MARCHF1: variants seen among roughly 807,000 people sequenced by gnomAD.
MARCHF1 encodes E3 ubiquitin-protein ligase MARCHF1.
A neutral mutation model predicts 54.2 loss-of-function variants in MARCHF1; 40 were observed. The ratio of observed to expected loss-of-function variants is 0.74; its 90% CI spans 0.57 to 0.96. The LOEUF (loss-of-function observed/expected upper bound fraction) is 0.96, where lower values mean the gene tolerates loss of function less well. Ranked by LOEUF, MARCHF1 falls within the 40% of genes least tolerant of loss-of-function variation. The pLI is 0.00. For synonymous variants in MARCHF1, 236 were observed against 236.3 expected (o/e 1.00, Z 0.01); for missense variants, 586 against 656.5 (o/e 0.89, Z 1.17).
chr4:164,044,790 C>T lies in MARCHF1; in HGVS notation c.-247-56081G>A, dbSNP rs146931650. The stretch of plus-strand genomic sequence containing the variant: ...GTCTATACATACTATAGATTCTCTA[C>T]ATAAGGACACTATATATGGACACTA... On this transcript the variant is annotated intron_variant, in intron 2 of 9. Transcript: ENST00000514618. 5.5e-3 allele frequency among the ~76,000 whole-genome samples: 839 copies of T among 151,588 alleles called. 1 individual carries two copies. Among genetic ancestry groups the T allele is most frequent in the Non-Finnish European group, 8.3e-3 (564 of 67,956 alleles).
chr4:164,030,463 T>C (rs1199769434), intron 2 of MARCHF1, among the ~76,000 whole-genome samples: 1 of 152,230 alleles, frequency 6.6e-6, no homozygotes, highest in Non-Finnish European at 1.5e-5. Flanking sequence ...TATCTACTTT[T>C]GCATTCTGCT....
At chr4:163,769,801 T>C (rs1234280976) in intron 4 of MARCHF1, among the ~76,000 whole-genome samples, 2 of 152,122 alleles carry the variant, frequency 1.3e-5, no homozygotes, top group East Asian at 1.9e-4. Context: ...ACAAACTGGG[T>C]TACCAGTTAC....
At chr4:164,315,010 T>C (rs1734958766) in intron 1 of MARCHF1, among the ~76,000 whole-genome samples, 1 of 152,078 alleles carries the variant, frequency 6.6e-6, no homozygotes, top group East Asian at 1.9e-4. Context: ...GCCAGGTAAA[T>C]GTCAAACAGA....
chr4:163,810,682 ATAAC>A (rs1213414851), intron 4 of MARCHF1, among the ~76,000 whole-genome samples: 4 of 152,246 alleles, frequency 2.6e-5, no homozygotes, highest in Non-Finnish European at 5.9e-5. Context: ...AAAATTAAGA[ATAAC>A]TAAGTAAAAT....
chr4:164,137,366 T>C (rs1244941007), intron 1 of MARCHF1, among the ~76,000 whole-genome samples: 1 of 152,176 alleles, frequency 6.6e-6, no homozygotes, highest in Non-Finnish European at 1.5e-5. Context: ...ATAATTATGA[T>C]AATATATTTC....
At chr4:164,034,176 T>C (rs1176495962) in intron 2 of MARCHF1, among the ~76,000 whole-genome samples, 1 of 152,072 alleles carries the variant, frequency 6.6e-6, no homozygotes, top group Non-Finnish European at 1.5e-5. Context: ...GATCACGTGT[T>C]TGCAGGGACA....
At chr4:163,648,263 A>G (rs1314026506) in intron 5 of MARCHF1, among the ~76,000 whole-genome samples, 1 of 151,992 alleles carries the variant, frequency 6.6e-6, no homozygotes, top group Non-Finnish European at 1.5e-5. Context: ...AAGATAGGAA[A>G]CTAAGACCAA....
chr4:164,182,567 A>C (rs549160189), intron 1 of MARCHF1, among the ~76,000 whole-genome samples: 1 of 152,024 alleles, frequency 6.6e-6, no homozygotes, highest in Non-Finnish European at 1.5e-5. Flanking sequence ...ATAACATATA[A>C]TATATACACA....
At chr4:163,821,008 T>C (rs1748677007) in intron 4 of MARCHF1, among the ~76,000 whole-genome samples, 1 of 152,090 alleles carries the variant, frequency 6.6e-6, no homozygotes. Context: ...TAACTTCCTC[T>C]ACACTGTCCC....
intron 2 of MARCHF1, among the ~76,000 whole-genome samples, chr4:164,062,166 T>C (rs1470722624): frequency 6.6e-6 from 1 of 152,216 alleles, no homozygotes; most frequent in Non-Finnish European, 1.5e-5. Flanking sequence ...TCTTTGCTCA[T>C]CCATAAGAAA....
At chr4:164,009,844 T>C (rs1443840807) in intron 2 of MARCHF1, among the ~76,000 whole-genome samples, 3 of 152,088 alleles carry the variant, frequency 2.0e-5, no homozygotes, top group Non-Finnish European at 4.4e-5. Context: ...TCATACTGAA[T>C]GGAGAAAAAC....
chr4:163,956,672 A>G (rs559083929), intron 3 of MARCHF1, among the ~76,000 whole-genome samples: 1 of 152,272 alleles, frequency 6.6e-6, no homozygotes, highest in African/African-American at 2.4e-5. Context: ...TAAACAACAC[A>G]GTTTATGTGT....
At chr4:163,822,549 T>G (rs1349077045) in intron 4 of MARCHF1, among the ~76,000 whole-genome samples, 1 of 151,914 alleles carries the variant, frequency 6.6e-6, no homozygotes, top group Non-Finnish European at 1.5e-5. Context: ...GTTTGATCAT[T>G]CAACATTTGA....
intron 1 of MARCHF1, among the ~76,000 whole-genome samples, chr4:164,134,650 T>C (rs566670924): frequency 1.5e-4 from 23 of 152,140 alleles, no homozygotes; most frequent in African/African-American, 5.3e-4. Context: ...ACTTAAGAAA[T>C]AGACATGACT....
intron 4 of MARCHF1, among the ~76,000 whole-genome samples, chr4:163,715,696 C>A (rs554901705): frequency 6.6e-6 from 1 of 152,048 alleles, no homozygotes; most frequent in East Asian, 1.9e-4. Flanking sequence ...AATGACTATT[C>A]AAGACATCTG....
chr4:164,077,577 A>T (rs1042860967), intron 2 of MARCHF1, among the ~76,000 whole-genome samples: 1 of 152,230 alleles, frequency 6.6e-6, no homozygotes, highest in African/African-American at 2.4e-5. Flanking sequence ...AGAAAGTAGC[A>T]TCAGAGTGAA....
intron 1 of MARCHF1, among the ~76,000 whole-genome samples, chr4:164,156,305 A>G (rs1730075614): frequency 6.6e-6 from 1 of 152,162 alleles, no homozygotes; most frequent in Non-Finnish European, 1.5e-5. Flanking sequence ...TGTCTAGTAT[A>G]TAGTCCCAAA....
intron 1 of MARCHF1, among the ~76,000 whole-genome samples, chr4:164,138,291 T>C (rs1006185139): frequency 6.6e-6 from 1 of 151,974 alleles, no homozygotes; most frequent in African/African-American, 2.4e-5. Flanking sequence ...AGAACACTTC[T>C]AAGCCTGCGT....
At chr4:164,211,357 C>CTAT (rs1560956008) in intron 1 of MARCHF1, among the ~76,000 whole-genome samples, 7,118 of 100,040 alleles carry the variant, frequency 0.071, 306 homozygotes, top group Non-Finnish European at 0.11. Flanking sequence ...ATATATATAC[C>CTAT]ACATTGCAAC....
Sources: gnomAD v4.1 joint callset for allele counts (sites outside exome capture counted in the v4.1 genomes callset) on GRCh38, gnomAD v4.1.1 for gene constraint, MANE v1.5 for transcripts, NCBI Gene and HGNC (gene_info 2026-07-23, HGNC 2026-07-21) for gene names.